The following CAMK4 variants were observed in gnomAD, a reference collection of about 807,000 sequenced individuals.
CAMK4 encodes the protein calcium/calmodulin dependent protein kinase IV, also known as calcium/calmodulin-dependent protein kinase type IV.
In CAMK4, 22 loss-of-function variants were observed where a neutral mutation model predicts 44.9. That is an observed-to-expected ratio of 0.49 (90% CI 0.35 to 0.70). CAMK4 has a LOEUF of 0.70. Ranked by LOEUF, CAMK4 falls within the 30% of genes least tolerant of loss-of-function variation. The pLI is 0.01. For synonymous variants in CAMK4, 218 were observed against 215.4 expected (o/e 1.01, Z -0.11); for missense variants, 498 against 586.8 (o/e 0.85, Z 1.56).
chr5:111,273,464 A>G (rs1042697949), intron 1 of CAMK4, among the ~76,000 whole-genome samples: 2 of 151,528 alleles, frequency 1.3e-5, no homozygotes, highest in African/African-American at 4.8e-5. Context: ...TCTTTTATGT[A>G]TACAAAAGTT....
chr5:111,317,950 A>AT (rs1285948391), intron 1 of CAMK4, among the ~76,000 whole-genome samples: 1 of 146,586 alleles, frequency 6.8e-6, no homozygotes. Flanking sequence ...TTAAAAGGCT[A>AT]TTTTTTATCG....
chr5:111,430,733 G>A (rs1285921068), intron 5 of CAMK4, among the ~76,000 whole-genome samples: 1 of 151,906 alleles, frequency 6.6e-6, no homozygotes, highest in East Asian at 1.9e-4. Context: ...GACATAGCTG[G>A]AAACTTACCC....
chr5:111,275,276 A>C, intron 1 of CAMK4, among the ~76,000 whole-genome samples: 1 of 152,032 alleles, frequency 6.6e-6, no homozygotes, highest in Non-Finnish European at 1.5e-5. Context: ...GCATGCTATG[A>C]GTTATATTCT....
chr5:111,392,080 A>G (rs1751821513), intron 4 of CAMK4, among the ~76,000 whole-genome samples: 1 of 152,074 alleles, frequency 6.6e-6, no homozygotes, highest in Non-Finnish European at 1.5e-5. Context: ...TGACAGCTAT[A>G]TATTGTATCT....
intron 5 of CAMK4, among the ~76,000 whole-genome samples, chr5:111,437,875 A>G (rs1208995691): frequency 6.6e-6 from 1 of 152,122 alleles, no homozygotes; most frequent in East Asian, 1.9e-4. Flanking sequence ...ACCATTGAAG[A>G]CTTTCACAAG....
At chr5:111,458,582 G>A (rs1754503215) in intron 7 of CAMK4, among the ~76,000 whole-genome samples, 1 of 77,818 alleles carries the variant, frequency 1.3e-5, no homozygotes, top group African/African-American at 3.0e-5. Context: ...TTTAGTGGGA[G>A]AAACAACAAT....
intron 9 of CAMK4, among the ~76,000 whole-genome samples, chr5:111,481,524 G>A (rs1185266237): frequency 6.6e-6 from 1 of 152,148 alleles, no homozygotes; most frequent in African/African-American, 2.4e-5. Context: ...TTCCTCATTT[G>A]ACTTGCCGCC....
chr5:111,365,064 G>A (rs1750740698), intron 2 of CAMK4: 1 of 152,122 alleles, frequency 6.6e-6, no homozygotes, highest in Admixed American at 6.6e-5. Context: ...TGGGAAAAGA[G>A]CATCTGAGAC....
intron 5 of CAMK4, among the ~76,000 whole-genome samples, chr5:111,427,667 G>T (rs1056900609): frequency 2.0e-5 from 3 of 152,208 alleles, no homozygotes; most frequent in Non-Finnish European, 4.4e-5. Context: ...AAAAGGGATG[G>T]AAAGAGTGGG....
Position 111,484,057 on chromosome 5 carries a change from G to T in CAMK4, c.1013G>T (p.Arg338Leu), listed in dbSNP as rs972309056. The T allele has an allele frequency of 1.9e-6, 3 of 1,604,824 alleles. No individual in the cohort carries two copies. Among genetic ancestry groups the T allele is most frequent in the Non-Finnish European group, 1.7e-6 (2 of 1,175,368 alleles). The change falls in exon 11 of 11, where the codon CGC becomes CTC. Residue 338 changes from arginine to leucine, a missense_variant. Coordinates refer to ENST00000282356, the MANE Select transcript of CAMK4 (RefSeq NM_001744.6). This position sits in a 1 kb window ranked among gnomAD's most constrained non-coding sequence, Gnocchi z 5.3. ...GTGAAGGCTGTGGTGGCCTCTTCGCGCCTGGGAAGTGCCAGCAGCAGCCAT... is the reference window on the plus strand; with the variant it reads ...GTGAAGGCTGTGGTGGCCTCTTCGCTCCTGGGAAGTGCCAGCAGCAGCCAT... ...AAVKAVVASSRLGSASSSHGS... is the reference protein window; with the variant it reads ...AAVKAVVASSLLGSASSSHGS...
At chr5:111,370,997 G>C (rs180910077) in intron 2 of CAMK4, among the ~76,000 whole-genome samples, 9 of 152,266 alleles carry the variant, frequency 5.9e-5, no homozygotes. Context: ...AATGCCATTT[G>C]ACTGTTCTAG....
In CAMK4 at chr5:111,463,587, A is replaced by G. The variant is rs147743877; in HGVS notation, c.626-9724A>G. Among the ~76,000 whole-genome samples the G allele has an allele frequency of 6.0e-3, 910 of 152,338 alleles. 14 individuals carry two copies. The highest frequency in any genetic ancestry group is 0.021 in the African/African-American group (875 of 41,580). On this transcript the variant is annotated intron_variant, in intron 7 of 10. Transcript: ENST00000282356. ...ACAACTAAGGACCCTCACAGAGTCC[A>G]TTTCACTTTCCTGCCACCTCCACTG...
At chr5:111,421,410 G>A (rs1368112562) in intron 5 of CAMK4, among the ~76,000 whole-genome samples, 1 of 152,174 alleles carries the variant, frequency 6.6e-6, no homozygotes, top group African/African-American at 2.4e-5. Context: ...AGCAATAAGA[G>A]TGCTAGTTTC....
intron 4 of CAMK4, among the ~76,000 whole-genome samples, chr5:111,386,645 G>C (rs1190351756): frequency 6.6e-6 from 1 of 152,220 alleles, no homozygotes; most frequent in Admixed American, 6.5e-5. Context: ...AATAGGCATT[G>C]CCTGTATTTT....
In CAMK4 at chr5:111,493,430, C is replaced by T. The variant is rs1055529971; in HGVS notation, c.*8964C>T. On this transcript the variant is annotated 3_prime_UTR_variant, in exon 11 of 11. Transcript: ENST00000282356. The surrounding 1 kb of genome is among the most constrained non-coding windows in gnomAD (Gnocchi z 4.1). ...AATGTCTCATGACTCCAAAAAATCA[C>T]GTACTTCCTAAAATGTTGCCAGTGG... The T allele has an allele frequency of 4.6e-5, 7 of 152,142 alleles. No individual in the cohort carries two copies. The highest frequency in any genetic ancestry group is 8.8e-5 in the Non-Finnish European group (6 of 68,032). 9.4% of individuals were successfully genotyped at this position (152,142 alleles called of 1,614,324 possible).
intron 5 of CAMK4, among the ~76,000 whole-genome samples, chr5:111,436,044 G>A (rs966547652): frequency 2.6e-5 from 4 of 151,784 alleles, no homozygotes; most frequent in African/African-American, 9.7e-5. Context: ...AGCTTTTTCT[G>A]TTCATTTTTT....
At chr5:111,308,280 A>T (rs563529996) in intron 1 of CAMK4, among the ~76,000 whole-genome samples, 4 of 152,242 alleles carry the variant, frequency 2.6e-5, no homozygotes, top group Middle Eastern at 6.8e-3. Context: ...AATGTATCAA[A>T]ACTAGTTCTT....
intron 1 of CAMK4, among the ~76,000 whole-genome samples, chr5:111,329,283 C>T (rs10079083): frequency 0.067 from 10,121 of 151,862 alleles, 511 homozygotes; most frequent in East Asian, 0.21. Context: ...ACTGAATGGG[C>T]GAAAACTGTA....
chr5:111,432,423 G>T (rs1297017430), intron 5 of CAMK4, among the ~76,000 whole-genome samples: 2 of 151,826 alleles, frequency 1.3e-5, no homozygotes, highest in African/African-American at 2.4e-5. Flanking sequence ...TAAAAAGAAT[G>T]AATAAGGCCT....
Sources: allele counts gnomAD v4.1 joint callset (sites outside exome capture counted in the v4.1 genomes callset), GRCh38; gene constraint gnomAD v4.1.1; non-coding constraint Gnocchi (gnomAD v3.1); transcripts MANE v1.5; gene names NCBI Gene and HGNC (gene_info 2026-07-23, HGNC 2026-07-21).